Variants in RXRA observed in about 807,000 individuals in gnomAD.
RXRA encodes retinoid X receptor alpha, also known as retinoic acid receptor RXR-alpha.
In RXRA, 5 loss-of-function variants were observed where a neutral mutation model predicts 44.5. The observed-to-expected ratio is 0.11, with a 90% CI of 0.06 to 0.24. RXRA has a LOEUF of 0.24. Ranked by LOEUF, RXRA falls within the 10% of genes least tolerant of loss-of-function variation. RXRA has a pLI of 1.00. For missense variants in RXRA, 412 were observed against 646.5 expected (o/e 0.64, Z 3.93); for synonymous variants, 291 against 271.4 (o/e 1.07, Z -0.71).
chr9:134,432,907 C>T (rs999687065), intron 8 of RXRA, among the ~76,000 whole-genome samples: 8 of 152,172 alleles, frequency 5.3e-5, no homozygotes, highest in African/African-American at 1.9e-4. Context: ...GAGCCAAGTC[C>T]TGAGGGGTTC....
chr9:134,380,079 C>T (rs1830619130), intron 1 of RXRA: 1 of 985,486 alleles, frequency 1.0e-6, no homozygotes, highest in African/African-American at 1.7e-5. Context: ...CCTGCAGCCC[C>T]TCTGTTGTCG....
At chr9:134,367,786 G>A (rs1188457635) in intron 1 of RXRA, among the ~76,000 whole-genome samples, 2 of 152,170 alleles carry the variant, frequency 1.3e-5, no homozygotes, top group African/African-American at 2.4e-5. Flanking sequence ...CCCCTTCTGG[G>A]TCCTTGGGGT....
At chr9:134,378,304 T>A (rs1157742570) in intron 1 of RXRA, among the ~76,000 whole-genome samples, 2 of 151,884 alleles carry the variant, frequency 1.3e-5, no homozygotes, top group Non-Finnish European at 2.9e-5. Flanking sequence ...GCCAGGCCGG[T>A]GCTGGTGTTG....
chr9:134,349,843 G>A lies in RXRA; in HGVS notation c.28+23184G>A, dbSNP rs1179795910. The stretch of plus-strand genomic sequence containing the variant: ...TCGGGTGGGCGGGCGGGTGCCGCAG[G>A]CTCTCCTGTGGTAGGAGTCGGGTGG... On this transcript the variant is annotated intron_variant, in intron 1 of 9. Coordinates refer to ENST00000481739, the MANE Select transcript of RXRA (RefSeq NM_002957.6). This position sits in a 1 kb window ranked among gnomAD's most constrained non-coding sequence, Gnocchi z 4.3. 3.3e-5 allele frequency among the ~76,000 whole-genome samples: 5 copies of A among 152,122 alleles called. No individual in the cohort carries two copies. The highest frequency in any genetic ancestry group is 1.2e-4 in the African/African-American group (5 of 41,432).
At chr9:134,409,160 A>G (rs1463348817) in intron 4 of RXRA, 41 bp downstream of exon 4, 1 of 1,498,882 alleles carries the variant, frequency 6.7e-7, no homozygotes, top group Non-Finnish European at 8.9e-7. Flanking sequence ...CAGGTGTTGG[A>G]CAAACAGTGG....
At chr9:134,388,894 G>A (rs959174595) in intron 1 of RXRA, among the ~76,000 whole-genome samples, 10 of 152,170 alleles carry the variant, frequency 6.6e-5, no homozygotes, top group Non-Finnish European at 1.3e-4. Flanking sequence ...TGCTTGGTGG[G>A]GGCTGCTGCT....
chr9:134,434,062 C>A (rs748715081), intron 8 of RXRA, 40 bp from the exon 9 acceptor site: 5 of 1,523,976 alleles, frequency 3.3e-6, no homozygotes, highest in African/African-American at 1.4e-5. Flanking sequence ...CCGAGACACG[C>A]CCCAGCTGAG....
rs913094091 is a variant in RXRA, at chr9:134,436,451, G to A, written c.1242-16G>A. On this transcript the variant is annotated splice_polypyrimidine_tract_variant and intron_variant, in intron 9 of 9. Coordinates refer to ENST00000481739, the MANE Select transcript of RXRA (RefSeq NM_002957.6). ...CATGCCCCTTGCCCGGCCCTCACCA[G>A]ACCTGTTCCCTGCAGGTTCGCTAAG... is the stretch of plus-strand genomic sequence containing the variant. 1 of 1,613,240 alleles carries A rather than the reference G, an allele frequency of 6.2e-7. No homozygotes were observed. Among genetic ancestry groups the A allele is most frequent in the South Asian group, 1.1e-5 (1 of 91,066 alleles).
chr9:134,345,223 G>A lies in RXRA; in HGVS notation c.28+18564G>A, dbSNP rs148229416. On this transcript the variant is annotated intron_variant, in intron 1 of 9. Coordinates refer to ENST00000481739, the MANE Select transcript of RXRA (RefSeq NM_002957.6). ...TCCCCACCGGATTAGTGAGGATAAC[G>A]TATCCCCCTCTAGCTGGTATTTGCA... Among the ~76,000 whole-genome samples the A allele has an allele frequency of 5.1e-3, 775 of 152,316 alleles. 6 individuals carry two copies. Among genetic ancestry groups the A allele is most frequent in the African/African-American group, 0.017 (721 of 41,568 alleles).
chr9:134,375,717 C>A (rs1334030614), intron 1 of RXRA, among the ~76,000 whole-genome samples: 1 of 151,826 alleles, frequency 6.6e-6, no homozygotes, highest in African/African-American at 2.4e-5. Context: ...GGAGGAGAAG[C>A]CTGAGGGCTG....
At chr9:134,428,047 C>A (rs1564297463) in intron 6 of RXRA, among the ~76,000 whole-genome samples, 1 of 152,174 alleles carries the variant, frequency 6.6e-6, no homozygotes, top group Non-Finnish European at 1.5e-5. Flanking sequence ...TCTCCAGGAG[C>A]CCTTAAAACA....
intron 1 of RXRA, among the ~76,000 whole-genome samples, chr9:134,351,687 C>T (rs1177002403): frequency 6.6e-6 from 1 of 152,256 alleles, no homozygotes; most frequent in East Asian, 1.9e-4. Context: ...AATGACATTG[C>T]TGGTTAAAAT....
chr9:134,435,057 T>G (rs571120633), intron 9 of RXRA, among the ~76,000 whole-genome samples: 1 of 152,236 alleles, frequency 6.6e-6, no homozygotes, highest in Admixed American at 6.5e-5. Flanking sequence ...CTTTCTGCCC[T>G]GGCCCATCTC....
At chr9:134,412,391 G>C (rs931382099) in intron 4 of RXRA, among the ~76,000 whole-genome samples, 1 of 152,218 alleles carries the variant, frequency 6.6e-6, no homozygotes, top group African/African-American at 2.4e-5. Flanking sequence ...GCAGTGCTGC[G>C]AGGGAGTCGC....
intron 1 of RXRA, among the ~76,000 whole-genome samples, chr9:134,375,276 G>A (rs969256565): frequency 6.6e-6 from 1 of 152,324 alleles, no homozygotes; most frequent in African/African-American, 2.4e-5. Flanking sequence ...GCCAGAGCGC[G>A]TGTCACTGTG....
At chr9:134,371,590 G>T (rs917174342) in intron 1 of RXRA, among the ~76,000 whole-genome samples, 1 of 152,396 alleles carries the variant, frequency 6.6e-6, no homozygotes, top group East Asian at 1.9e-4. Flanking sequence ...CCATTTCATG[G>T]CCATGGCACT....
At chr9:134,398,575 G>A (rs1297988300) in intron 1 of RXRA, among the ~76,000 whole-genome samples, 2 of 152,208 alleles carry the variant, frequency 1.3e-5, no homozygotes, top group Non-Finnish European at 2.9e-5. Flanking sequence ...GGGCCCAGGG[G>A]CAGCTGGCTT....
At position 134,342,792 on chromosome 9, in the gene RXRA, C is replaced by T. The variant is rs1830102063; in HGVS notation, c.28+16133C>T. On this transcript the variant is annotated intron_variant, in intron 1 of 9. Coordinates refer to ENST00000481739, the MANE Select transcript of RXRA (RefSeq NM_002957.6). This position sits in a 1 kb window ranked among gnomAD's most constrained non-coding sequence, Gnocchi z 4.4. The stretch of plus-strand genomic sequence containing the variant: ...GCCGCGGAGGAGGCTGCCTACCTGC[C>T]TTCCTGGCCCTTCCTGCTCTGGCTG... Among the ~76,000 whole-genome samples the T allele has an allele frequency of 6.6e-6, 1 of 152,164 alleles. No homozygotes were observed. Among genetic ancestry groups the T allele is most frequent in the South Asian group, 2.1e-4 (1 of 4,830 alleles).
chr9:134,419,252 A>G (rs1831288431), intron 5 of RXRA, among the ~76,000 whole-genome samples: 1 of 152,198 alleles, frequency 6.6e-6, no homozygotes, highest in Non-Finnish European at 1.5e-5. Context: ...AGAAAATCCA[A>G]AAGCAAGTTT....
Sources: allele counts gnomAD v4.1 joint callset (sites outside exome capture counted in the v4.1 genomes callset), GRCh38; gene constraint gnomAD v4.1.1; non-coding constraint Gnocchi (gnomAD v3.1); transcripts MANE v1.5; gene names NCBI Gene and HGNC (gene_info 2026-07-23, HGNC 2026-07-21).